CTNNB1: variants seen among roughly 807,000 people sequenced by gnomAD.
CTNNB1 encodes catenin beta-1.
A neutral mutation model predicts 82.5 loss-of-function variants in CTNNB1; 6 were observed. That is an observed-to-expected ratio of 0.07 (90% CI 0.04 to 0.14). The LOEUF (loss-of-function observed/expected upper bound fraction) is 0.14, where lower values mean the gene tolerates loss of function less well. CTNNB1 is among the 10% of genes least tolerant of loss of function. The probability of loss-of-function intolerance (pLI) is 1.00; values close to 1 mark genes in which losing one functional copy is unlikely to be tolerated. For synonymous variants in CTNNB1, 312 were observed against 329.7 expected (o/e 0.95, Z 0.58); for missense variants, 529 against 980.4 (o/e 0.54, Z 6.15).
Position 41,225,452 on chromosome 3 carries a change from C to T in CTNNB1, c.614C>T (p.Thr205Ile), listed in dbSNP as rs769777389. ...VSAIVRTMQN[T>I]NDVETARCTA... The stretch of plus-strand genomic sequence containing the variant: ...GCTATTGTACGTACCATGCAGAATA[C>T]AAATGATGTAGAAACAGCTCGTTGT... The change falls in exon 5 of 15, where the codon ACA (threonine) becomes ATA (isoleucine). Residue 205 changes from threonine (T) to isoleucine (I), a missense_variant. Transcript: ENST00000349496. The surrounding 1 kb of genome is among the most constrained non-coding windows in gnomAD (Gnocchi z 5.3). 1 of 1,613,938 alleles carries T rather than the reference C, an allele frequency of 6.2e-7. No individual in the cohort carries two copies. The highest frequency in any genetic ancestry group is 1.7e-5 in the Admixed American group (1 of 59,906).
In CTNNB1 at chr3:41,227,270, C is replaced by T. The variant is rs778624338; in HGVS notation, c.999C>T (p.Tyr333=). The T allele has an allele frequency of 9.3e-6, 15 of 1,613,578 alleles. No individual in the cohort carries two copies. The highest frequency in any genetic ancestry group is 4.4e-5 in the South Asian group (4 of 91,082). ...TAAATATAATGAGGACCTATACTTA[C>T]GAAAAACTACTGTGGACCACAAGCA... ...ALVNIMRTYT[Y]EKLLWTTSRV... is the part of the protein sequence containing the mutation. Residue 333 remains tyrosine, a synonymous_variant, in exon 7 of 15, where the codon TAC becomes TAT. Coordinates refer to ENST00000349496, the MANE Select transcript of CTNNB1 (RefSeq NM_001904.4).
chr3:41,236,129 T>G, intron 11 of CTNNB1: 2 of 732,528 alleles, frequency 2.7e-6, no homozygotes, highest in Admixed American at 5.0e-5. Flanking sequence ...CTTAGATCAG[T>G]TAGAGCTGCC....
chr3:41,234,057 A>G, intron 9 of CTNNB1, 82 bp from the exon 10 acceptor site: 1 of 1,573,602 alleles, frequency 6.4e-7, no homozygotes, highest in Non-Finnish European at 8.7e-7. Context: ...AGTTGATACC[A>G]ATAGATTTAG....
intron 1 of CTNNB1, among the ~76,000 whole-genome samples, chr3:41,219,384 AATTAT>A (rs2077989573): frequency 6.6e-6 from 1 of 152,164 alleles, no homozygotes; most frequent in Non-Finnish European, 1.5e-5. Context: ...TAAACAGTAA[AATTAT>A]ATTCTAAGAC....
At chr3:41,220,889 A>G (rs1458103885) in intron 1 of CTNNB1, 1 of 152,222 alleles carries the variant, frequency 6.6e-6, no homozygotes, top group African/African-American at 2.4e-5. Flanking sequence ...GAAGAGGAAA[A>G]ATAACTTCAG....
intron 13 of CTNNB1, chr3:41,237,059 C>A (rs1281458279): frequency 5.0e-6 from 2 of 402,736 alleles, no homozygotes; most frequent in Non-Finnish European, 8.8e-6. Context: ...TTTTACTAAA[C>A]TTTAATAAAA....
intron 1 of CTNNB1, among the ~76,000 whole-genome samples, chr3:41,215,769 G>A (rs2077903103): frequency 6.6e-6 from 1 of 152,148 alleles, no homozygotes; most frequent in African/African-American, 2.4e-5. Context: ...TAGTCTGAAT[G>A]TAGAGATTAA....
intron 1 of CTNNB1, among the ~76,000 whole-genome samples, chr3:41,212,255 A>G (rs1450357384): frequency 6.6e-6 from 1 of 152,160 alleles, no homozygotes; most frequent in Non-Finnish European, 1.5e-5. Flanking sequence ...TGATAGCGGG[A>G]CAGCCAGATA....
At chr3:41,235,481 A>C in intron 10 of CTNNB1, 1 of 556,532 alleles carries the variant, frequency 1.8e-6, no homozygotes, top group South Asian at 2.1e-5. Context: ...TGTCTTTGGG[A>C]TTCAGCGCTG....
chr3:41,234,107 G>A (rs2078375569), intron 9 of CTNNB1, 32 bp from the exon 10 acceptor site: 2 of 1,613,908 alleles, frequency 1.2e-6, no homozygotes, highest in Admixed American at 1.7e-5. Flanking sequence ...ATTTTGTTGA[G>A]TTGTATGCCA....
At position 41,227,216 on chromosome 3, in the gene CTNNB1, A is replaced by T. The variant is rs2125627570; in HGVS notation, c.945A>T (p.Ile315=). 6.2e-7 allele frequency: 1 copy of T among 1,610,506 alleles called. No individual in the cohort carries two copies. The highest frequency in any genetic ancestry group is 8.5e-7 in the Non-Finnish European group (1 of 1,176,774). The change falls in exon 7 of 15, where the codon ATA becomes ATT. Residue 315 remains isoleucine (I), a synonymous_variant. Coordinates refer to ENST00000349496, the MANE Select transcript of CTNNB1 (RefSeq NM_001904.4). ...TATATATATCTTTCTAGCTCATCAT[A>T]CTGGCTAGTGGTGGACCCCAAGCTT... ...AYGNQESKLI[I]LASGGPQALV...
At chr3:41,213,169 C>T (rs890395700) in intron 1 of CTNNB1, among the ~76,000 whole-genome samples, 2 of 152,202 alleles carry the variant, frequency 1.3e-5, no homozygotes, top group African/African-American at 4.8e-5. Context: ...TCACCCTTTT[C>T]CTCTATAATC....
In CTNNB1 at chr3:41,225,960, CCA is replaced by C; in HGVS notation, c.936+100_936+101del. On this transcript the variant is annotated intron_variant, in intron 6 of 14. Coordinates refer to ENST00000349496, the MANE Select transcript of CTNNB1 (RefSeq NM_001904.4). The surrounding 1 kb of genome is among the most constrained non-coding windows in gnomAD (Gnocchi z 5.3). ...TTCCTAACCTTTTTGGCACCAGGGACCAGTTTCGTGGAAAACAGTTTTTCCAT... is the reference window on the plus strand; with the variant it reads ...TTCCTAACCTTTTTGGCACCAGGGACGTTTCGTGGAAAACAGTTTTTCCAT... 1 of 1,152,078 alleles carries C rather than the reference CCA, an allele frequency of 8.7e-7. No individual in the cohort carries two copies. Among genetic ancestry groups the C allele is most frequent in the South Asian group, 1.3e-5 (1 of 77,340 alleles). The allele number at this position is 1,152,078 out of a possible 1,614,324, so 71.4% of individuals were successfully genotyped here.
chr3:41,209,773 AAAAT>A (rs1176462730), intron 1 of CTNNB1, among the ~76,000 whole-genome samples: 4 of 152,214 alleles, frequency 2.6e-5, no homozygotes, highest in African/African-American at 9.7e-5. Context: ...TATGGTATCA[AAAAT>A]AAAAAATGGT....
At chr3:41,202,821 G>T (rs1175505509) in intron 1 of CTNNB1, among the ~76,000 whole-genome samples, 3 of 152,050 alleles carry the variant, frequency 2.0e-5, no homozygotes, top group Non-Finnish European at 4.4e-5. Context: ...AAACTCAGGG[G>T]AAAGTTCTTT....
chr3:41,236,126 C>T, intron 11 of CTNNB1: 1 of 718,332 alleles, frequency 1.4e-6, no homozygotes. Context: ...AATCTTAGAT[C>T]AGTTAGAGCT....
intron 1 of CTNNB1, among the ~76,000 whole-genome samples, chr3:41,201,001 T>A (rs1413273992): frequency 6.6e-6 from 1 of 152,196 alleles, no homozygotes; most frequent in Non-Finnish European, 1.5e-5. Context: ...TCATGAATAA[T>A]GGTGGCTTAG....
chr3:41,233,482 C>T lies in CTNNB1; in HGVS notation c.1185+38C>T, dbSNP rs2078359239. The T allele has an allele frequency of 3.1e-6, 5 of 1,612,900 alleles. No individual in the cohort carries two copies. In the East Asian group the frequency reaches 8.9e-5, roughly 29 times the overall value. ...TAAACTGGTGCCATGGGAATAGAGT[C>T]AAGATGAGTATGTGCTTGTACTGAC... On this transcript the variant is annotated intron_variant, in intron 8 of 14. Transcript: ENST00000349496.
chr3:41,229,509 G>C (rs1430556519), intron 7 of CTNNB1, among the ~76,000 whole-genome samples: 1 of 152,066 alleles, frequency 6.6e-6, no homozygotes, highest in African/African-American at 2.4e-5. Flanking sequence ...TTGCAGCTTG[G>C]ATGTTGTTGG....
Sources: gnomAD v4.1 joint callset for allele counts (sites outside exome capture counted in the v4.1 genomes callset) on GRCh38, gnomAD v4.1.1 for gene constraint, Gnocchi (gnomAD v3.1) non-coding constraint, MANE v1.5 for transcripts, NCBI Gene and HGNC (gene_info 2026-07-23, HGNC 2026-07-21) for gene names.